Variants in PDSS2 observed in about 807,000 individuals in gnomAD.
PDSS2 encodes decaprenyl diphosphate synthase subunit 2, also known as all trans-polyprenyl-diphosphate synthase PDSS2.
PDSS2 carries 31 observed loss-of-function variants against 44.5 expected under a neutral mutation model. That is an observed-to-expected ratio of 0.70 (90% CI 0.52 to 0.94). The LOEUF (loss-of-function observed/expected upper bound fraction) is 0.94. Ranked by LOEUF, PDSS2 falls within the 40% of genes least tolerant of loss-of-function variation. The pLI, the probability that PDSS2 is intolerant of heterozygous loss-of-function variation, is 0.00. For synonymous variants in PDSS2, 157 were observed against 180.3 expected (o/e 0.87, Z 1.03); for missense variants, 452 against 482.2 (o/e 0.94, Z 0.59).
At chr6:107,344,650 G>A (rs959609241) in intron 1 of PDSS2, among the ~76,000 whole-genome samples, 16 of 152,180 alleles carry the variant, frequency 1.1e-4, no homozygotes, top group African/African-American at 2.9e-4. Flanking sequence ...GGAAGGAAGA[G>A]AGAAGAGAAA....
At chr6:107,272,655 T>C (rs1001520426) in intron 3 of PDSS2, among the ~76,000 whole-genome samples, 3 of 152,152 alleles carry the variant, frequency 2.0e-5, no homozygotes, top group Non-Finnish European at 4.4e-5. Flanking sequence ...CTTTATAACC[T>C]TTCCAGAAAG....
chr6:107,371,463 T>G (rs1779126997), intron 1 of PDSS2, among the ~76,000 whole-genome samples: 1 of 152,330 alleles, frequency 6.6e-6, no homozygotes, highest in Non-Finnish European at 1.5e-5. Flanking sequence ...AAGTGGCAAC[T>G]TGAGACTATC....
intron 1 of PDSS2, among the ~76,000 whole-genome samples, chr6:107,403,524 C>A (rs1422877060): frequency 1.3e-5 from 2 of 152,152 alleles, no homozygotes; most frequent in African/African-American, 4.8e-5. Context: ...GTGGCTCTGA[C>A]CCCACATTTC....
chr6:107,373,110 A>G (rs1583005234), intron 1 of PDSS2, among the ~76,000 whole-genome samples: 1 of 151,652 alleles, frequency 6.6e-6, no homozygotes, highest in Admixed American at 6.6e-5. Context: ...CAGCCTCCCA[A>G]GTAGCTGGGA....
At chr6:107,208,925 C>T (rs12214054) in intron 6 of PDSS2, among the ~76,000 whole-genome samples, 1 of 151,626 alleles carries the variant, frequency 6.6e-6, no homozygotes, top group African/African-American at 2.4e-5. Context: ...TATTTTTTTT[C>T]TTTTTTTAAA....
At chr6:107,430,813 A>C (rs1781172251) in intron 1 of PDSS2, among the ~76,000 whole-genome samples, 2 of 150,690 alleles carry the variant, frequency 1.3e-5, no homozygotes, top group Non-Finnish European at 3.0e-5. Flanking sequence ...CCGTCTCAGA[A>C]AAAAAAAAAG....
At chr6:107,359,248 G>A (rs1334879777) in intron 1 of PDSS2, among the ~76,000 whole-genome samples, 3 of 151,018 alleles carry the variant, frequency 2.0e-5, no homozygotes, top group African/African-American at 7.3e-5. Flanking sequence ...CTGACCTCAG[G>A]TGATTCACCT....
intron 1 of PDSS2, among the ~76,000 whole-genome samples, chr6:107,442,094 A>T (rs552725224): frequency 9.2e-5 from 14 of 152,254 alleles, no homozygotes; most frequent in African/African-American, 2.9e-4. Context: ...CTAAGGCCTG[A>T]TTAGCTCCTC....
chr6:107,354,209 G>A (rs1482686581), intron 1 of PDSS2, among the ~76,000 whole-genome samples: 1 of 152,088 alleles, frequency 6.6e-6, no homozygotes, highest in African/African-American at 2.4e-5. Flanking sequence ...TTGTACAAAT[G>A]TTTTCTCAGC....
chr6:107,210,473 A>G lies in PDSS2; in HGVS notation c.974T>C (p.Leu325Pro), dbSNP rs749037342. 1 of 1,610,474 alleles carries G rather than the reference A, an allele frequency of 6.2e-7. No homozygotes were observed. Among genetic ancestry groups the G allele is most frequent in the South Asian group, 1.1e-5 (1 of 90,996 alleles). ...CTGTTTAATCCACAAATCTCTTCCA[A>G]GAAATTCCTGATGTAAGACTACAGG... Reference protein sequence around the residue: ...SAPVVLHQEFLGRDLWIKQIG... With the variant: ...SAPVVLHQEFPGRDLWIKQIG... The change falls in exon 6 of 8, where the codon CTT (leucine) becomes CCT (proline). Residue 325 changes from leucine to proline, a missense_variant. Coordinates refer to ENST00000369037, the MANE Select transcript of PDSS2 (RefSeq NM_020381.4).
chr6:107,289,521 G>A (rs1319223051), intron 2 of PDSS2, among the ~76,000 whole-genome samples: 3 of 151,870 alleles, frequency 2.0e-5, no homozygotes, highest in Admixed American at 6.6e-5. Flanking sequence ...GCAACACGGC[G>A]AAACTATCCC....
At chr6:107,165,201 G>T (rs1286614857) in intron 7 of PDSS2, among the ~76,000 whole-genome samples, 2 of 152,056 alleles carry the variant, frequency 1.3e-5, no homozygotes, top group African/African-American at 4.8e-5. Flanking sequence ...GGCTTTTGTT[G>T]CCATTGCTTT....
intron 3 of PDSS2, among the ~76,000 whole-genome samples, chr6:107,258,236 T>A (rs1159381241): frequency 3.9e-4 from 59 of 152,206 alleles, no homozygotes; most frequent in Non-Finnish European, 2.9e-5. Context: ...AGCTCTCTGA[T>A]TTTATATAAG....
At chr6:107,180,489 A>G (rs1461799225) in intron 7 of PDSS2, among the ~76,000 whole-genome samples, 1 of 152,212 alleles carries the variant, frequency 6.6e-6, no homozygotes, top group Non-Finnish European at 1.5e-5. Context: ...AGAAGAACAG[A>G]GGTTAGGCAA....
intron 2 of PDSS2, among the ~76,000 whole-genome samples, chr6:107,292,366 T>C (rs1218512646): frequency 2.6e-5 from 4 of 152,232 alleles, no homozygotes; most frequent in Non-Finnish European, 5.9e-5. Context: ...CCCCTCTTGA[T>C]TTATTTCCAA....
At chr6:107,294,821 T>C (rs1776457510) in intron 2 of PDSS2, among the ~76,000 whole-genome samples, 1 of 152,202 alleles carries the variant, frequency 6.6e-6, no homozygotes, top group Non-Finnish European at 1.5e-5. Context: ...TAAAATATAA[T>C]TCATCTGCTA....
At chr6:107,389,782 G>A (rs1779723901) in intron 1 of PDSS2, among the ~76,000 whole-genome samples, 1 of 152,052 alleles carries the variant, frequency 6.6e-6, no homozygotes, top group Non-Finnish European at 1.5e-5. Flanking sequence ...CCACAACCCA[G>A]ATATTGGTTT....
intron 7 of PDSS2, among the ~76,000 whole-genome samples, chr6:107,188,518 G>A (rs6902011): frequency 0.24 from 37,153 of 152,134 alleles, 5,571 homozygotes; most frequent in East Asian, 0.54. Flanking sequence ...TAAACTGCTC[G>A]TTCTGCACTG....
chr6:107,276,440 C>T (rs1372315584), intron 2 of PDSS2, among the ~76,000 whole-genome samples: 1 of 152,058 alleles, frequency 6.6e-6, no homozygotes, highest in Admixed American at 6.6e-5. Flanking sequence ...GATAACTTGT[C>T]CTTTTAGTTC....
Sources: allele counts gnomAD v4.1 joint callset (sites outside exome capture counted in the v4.1 genomes callset), GRCh38; gene constraint gnomAD v4.1.1; transcripts MANE v1.5; gene names NCBI Gene and HGNC (gene_info 2026-07-23, HGNC 2026-07-21).